Variants in STAG1 observed in about 807,000 individuals in gnomAD.
STAG1 encodes the protein cohesin subunit SA-1.
A neutral mutation model predicts 170.9 loss-of-function variants in STAG1; 26 were observed. That is an observed-to-expected ratio of 0.15 (90% CI 0.11 to 0.21). The LOEUF (loss-of-function observed/expected upper bound fraction) is 0.21. Ranked by LOEUF, STAG1 falls within the 10% of genes least tolerant of loss-of-function variation. The probability of loss-of-function intolerance (pLI) is 1.00; values close to 1 mark genes in which losing one functional copy is unlikely to be tolerated. For synonymous variants in STAG1, 514 were observed against 497.7 expected (o/e 1.03, Z -0.44); for missense variants, 964 against 1,509.5 (o/e 0.64, Z 5.99).
intron 4 of STAG1, among the ~76,000 whole-genome samples, chr3:136,584,380 T>A (rs1248958381): frequency 6.6e-6 from 1 of 152,214 alleles, no homozygotes; most frequent in East Asian, 1.9e-4. Flanking sequence ...TTTTAGGTAC[T>A]TTATGATAAC....
intron 23 of STAG1, among the ~76,000 whole-genome samples, chr3:136,376,387 C>G (rs1035751144): frequency 6.6e-6 from 1 of 152,146 alleles, no homozygotes; most frequent in Non-Finnish European, 1.5e-5. Flanking sequence ...CACCCTGACC[C>G]CCACCCTGAC....
At position 136,678,941 on chromosome 3, in the gene STAG1, C is replaced by A. The variant is rs1392231599; in HGVS notation, c.-83-47960G>T. On this transcript the variant is annotated intron_variant, in intron 1 of 33. Coordinates refer to ENST00000383202, the MANE Select transcript of STAG1 (RefSeq NM_005862.3). ...GCCTGCTGTAGTACTAGCTACCTGG[C>A]AGTGGGGAGAGCAGGGCAAATTTTA... Among the ~76,000 whole-genome samples the A allele has an allele frequency of 5.3e-5, 7 of 131,120 alleles. No homozygotes were observed. The East Asian group carries it at 1.5e-3, about 28-fold the overall frequency. The allele number at this position is 131,120 out of a possible 152,430, so 86.0% of individuals were successfully genotyped here.
At chr3:136,681,374 C>T (rs768092347) in intron 1 of STAG1, among the ~76,000 whole-genome samples, 2 of 152,060 alleles carry the variant, frequency 1.3e-5, no homozygotes, top group East Asian at 1.9e-4. Flanking sequence ...TTTAATTGAA[C>T]GATTTAAATG....
chr3:136,695,727 C>A (rs528662101), intron 1 of STAG1, among the ~76,000 whole-genome samples: 1 of 151,422 alleles, frequency 6.6e-6, no homozygotes, highest in South Asian at 2.1e-4. Flanking sequence ...GGAAAAAGAT[C>A]CCTCAAAAAT....
intron 1 of STAG1, among the ~76,000 whole-genome samples, chr3:136,632,118 GA>G (rs930734911): frequency 6.6e-6 from 1 of 151,990 alleles, no homozygotes; most frequent in Non-Finnish European, 1.5e-5. Context: ...AGTACTGACA[GA>G]GGGGGAAAAA....
chr3:136,482,041 T>C lies in STAG1; in HGVS notation c.903-4629A>G, dbSNP rs1264153090. Among the ~76,000 whole-genome samples, 13 of 39,256 alleles carry C rather than the reference T, an allele frequency of 3.3e-4. 4 individuals carry two copies. Among genetic ancestry groups the C allele is most frequent in the African/African-American group, 9.0e-4 (11 of 12,170 alleles). The allele number at this position is 39,256 out of a possible 152,430, so 25.8% of individuals were successfully genotyped here. ...TTCAAAAAACCAGCTCCTGGATTCA[T>C]TGATTTTTTGAAGGGTTTTTTGTGT... On this transcript the variant is annotated intron_variant, in intron 9 of 33. Transcript: ENST00000383202.
intron 9 of STAG1, among the ~76,000 whole-genome samples, chr3:136,497,013 T>C (rs1933144466): frequency 6.6e-6 from 1 of 151,864 alleles, no homozygotes; most frequent in Admixed American, 6.6e-5. Context: ...AAGATGAATG[T>C]ACCAATTTCT....
intron 1 of STAG1, among the ~76,000 whole-genome samples, chr3:136,643,101 T>C (rs1940864998): frequency 6.6e-6 from 1 of 152,272 alleles, no homozygotes; most frequent in African/African-American, 2.4e-5. Context: ...CAAATAAGGT[T>C]GCATTCATAG....
intron 7 of STAG1, among the ~76,000 whole-genome samples, chr3:136,506,107 T>G (rs1247886063): frequency 6.6e-6 from 1 of 152,162 alleles, no homozygotes; most frequent in East Asian, 1.9e-4. Flanking sequence ...TGGAGTGATG[T>G]GAAACAGTCT....
chr3:136,607,821 T>A (rs1559906174), intron 3 of STAG1, among the ~76,000 whole-genome samples: 2 of 152,348 alleles, frequency 1.3e-5, no homozygotes, highest in South Asian at 2.1e-4. Flanking sequence ...GGTTTTTCAT[T>A]TCTTTTTTAG....
chr3:136,723,468 A>G (rs1260403556), intron 1 of STAG1, among the ~76,000 whole-genome samples: 1 of 125,468 alleles, frequency 8.0e-6, no homozygotes, highest in Non-Finnish European at 1.7e-5. Flanking sequence ...ACCGCCCCAT[A>G]TGAGAAGTGA....
chr3:136,475,965 A>G (rs889546138), intron 10 of STAG1, among the ~76,000 whole-genome samples: 1 of 152,158 alleles, frequency 6.6e-6, no homozygotes, highest in Admixed American at 6.6e-5. Flanking sequence ...GAATTTAAGA[A>G]CTCTGAATCC....
intron 1 of STAG1, among the ~76,000 whole-genome samples, chr3:136,663,432 G>A (rs948878572): frequency 6.6e-6 from 1 of 152,154 alleles, no homozygotes; most frequent in Non-Finnish European, 1.5e-5. Context: ...TTTAATAAGT[G>A]AGATAGAAAC....
intron 4 of STAG1, among the ~76,000 whole-genome samples, chr3:136,579,753 A>G (rs1444527211): frequency 6.6e-6 from 1 of 152,170 alleles, no homozygotes; most frequent in South Asian, 2.1e-4. Context: ...TCTACTTTGC[A>G]TATGTTTTAC....
intron 19 of STAG1, 43 bp from the exon 20 acceptor site, chr3:136,421,206 C>T (rs1240702766): frequency 2.2e-6 from 3 of 1,338,582 alleles, no homozygotes; most frequent in East Asian, 4.7e-5. Context: ...CTTTACTCAC[C>T]TTATAGTATA....
intron 22 of STAG1, among the ~76,000 whole-genome samples, chr3:136,394,546 C>A (rs539619868): frequency 6.6e-6 from 1 of 152,022 alleles, no homozygotes; most frequent in Non-Finnish European, 1.5e-5. Context: ...GAGGCTGAGG[C>A]GGGTGGACTG....
At chr3:136,365,399 T>C (rs1031884182) in intron 25 of STAG1, among the ~76,000 whole-genome samples, 5 of 152,094 alleles carry the variant, frequency 3.3e-5, no homozygotes, top group Non-Finnish European at 7.4e-5. Flanking sequence ...TATGGAAACT[T>C]TGTGCTCTTT....
At chr3:136,670,148 T>C (rs771738689) in intron 1 of STAG1, among the ~76,000 whole-genome samples, 1 of 152,212 alleles carries the variant, frequency 6.6e-6, no homozygotes, top group Admixed American at 6.5e-5. Context: ...TATAGAATCA[T>C]CCAATATTAG....
intron 9 of STAG1, among the ~76,000 whole-genome samples, chr3:136,498,259 C>CACATACATATACAT (rs1933252852): frequency 1.1e-5 from 1 of 88,794 alleles, no homozygotes; most frequent in Admixed American, 1.2e-4. Flanking sequence ...TACACACACA[C>CACATACATATACAT]ACACACACAC....
Sources: gnomAD v4.1 joint callset for allele counts (sites outside exome capture counted in the v4.1 genomes callset) on GRCh38, gnomAD v4.1.1 for gene constraint, MANE v1.5 for transcripts, NCBI Gene and HGNC (gene_info 2026-07-23, HGNC 2026-07-21) for gene names.